CDH13: variants seen among roughly 807,000 people sequenced by gnomAD.
CDH13 encodes the protein cadherin 13.
A neutral mutation model predicts 63.8 loss-of-function variants in CDH13; 24 were observed. The observed-to-expected ratio is 0.38, with a 90% CI of 0.27 to 0.53. The LOEUF (loss-of-function observed/expected upper bound fraction) is 0.53. Ranked by LOEUF, CDH13 falls within the 20% of genes least tolerant of loss-of-function variation. CDH13 has a pLI of 0.85. For synonymous variants in CDH13, 503 were observed against 355.3 expected, an observed-to-expected ratio of 1.42 and a Z score of -4.67; for missense variants, 1,049 against 903.1, an observed-to-expected ratio of 1.16 and a Z score of -2.07.
At chr16:83,506,070 G>C (rs566048969) in intron 7 of CDH13, among the ~76,000 whole-genome samples, 2 of 152,332 alleles carry the variant, frequency 1.3e-5, no homozygotes, top group South Asian at 2.1e-4. Context: ...CAAAGAGGCT[G>C]TCAGAATGGT....
intron 3 of CDH13, among the ~76,000 whole-genome samples, chr16:83,091,767 C>A (rs753980090): frequency 2.6e-5 from 4 of 152,084 alleles, no homozygotes; most frequent in African/African-American, 9.7e-5. Flanking sequence ...ATACTATATC[C>A]CCAGCATCTA....
rs117024090 is a variant in CDH13 at position 83,280,774 on chromosome 16, A to T, written c.636+63277A>T. 1.9e-4 allele frequency among the ~76,000 whole-genome samples: 29 copies of T among 152,358 alleles called. No homozygotes were observed. In the East Asian group the frequency reaches 5.0e-3, roughly 26 times the overall value. ...CCTTGATCCATGAGTTGAAAAATAGATGTTGTGTTACCATACACAAAAACA... is the reference window on the plus strand; with the variant it reads ...CCTTGATCCATGAGTTGAAAAATAGTTGTTGTGTTACCATACACAAAAACA... On this transcript the variant is annotated intron_variant, in intron 5 of 13. Coordinates refer to ENST00000567109, the MANE Select transcript of CDH13 (RefSeq NM_001257.5).
At chr16:83,333,935 C>G (rs1485858136) in intron 5 of CDH13, among the ~76,000 whole-genome samples, 1 of 152,162 alleles carries the variant, frequency 6.6e-6, no homozygotes, top group Non-Finnish European at 1.5e-5. Flanking sequence ...CAAAACAACA[C>G]AAATCTTATC....
At chr16:82,817,975 A>G (rs893032062) in intron 1 of CDH13, among the ~76,000 whole-genome samples, 12 of 152,180 alleles carry the variant, frequency 7.9e-5, no homozygotes, top group Non-Finnish European at 1.8e-4. Context: ...GTATACACAC[A>G]TACATTTTTA....
intron 3 of CDH13, among the ~76,000 whole-genome samples, chr16:83,085,604 G>C (rs2033542556): frequency 6.6e-6 from 1 of 152,198 alleles, no homozygotes; most frequent in Non-Finnish European, 1.5e-5. Flanking sequence ...ACACAGCTAT[G>C]CTTAGCTGCA....
chr16:83,227,464 G>C (rs899639271), intron 5 of CDH13, among the ~76,000 whole-genome samples: 6 of 152,164 alleles, frequency 3.9e-5, no homozygotes, highest in African/African-American at 1.4e-4. Context: ...TGTGGAGCAG[G>C]TTGGAAGCTG....
At chr16:82,664,432 G>A (rs1912346334) in intron 1 of CDH13, among the ~76,000 whole-genome samples, 1 of 152,244 alleles carries the variant, frequency 6.6e-6, no homozygotes, top group African/African-American at 2.4e-5. Flanking sequence ...TCTGAACACA[G>A]CAGTGGGGGC....
At chr16:83,657,803 G>C (rs1419592847) in intron 8 of CDH13, among the ~76,000 whole-genome samples, 1 of 152,140 alleles carries the variant, frequency 6.6e-6, no homozygotes, top group Admixed American at 6.5e-5. Context: ...GCATCCTTCA[G>C]CACTGCCAGC....
At chr16:83,326,424 G>A (rs549719074) in intron 5 of CDH13, among the ~76,000 whole-genome samples, 20 of 141,698 alleles carry the variant, frequency 1.4e-4, no homozygotes, top group African/African-American at 5.3e-4. Context: ...CACACTTGGT[G>A]CTTTTTTTTT....
At chr16:83,041,744 C>T (rs1917348109) in intron 3 of CDH13, among the ~76,000 whole-genome samples, 2 of 152,168 alleles carry the variant, frequency 1.3e-5, no homozygotes, top group South Asian at 4.1e-4. Flanking sequence ...CATTTTTCAG[C>T]CACATGATAC....
Position 83,443,527 on chromosome 16 carries a change from A to G in CDH13, c.782-42950A>G, listed in dbSNP as rs1346384413. Among the ~76,000 whole-genome samples the G allele has an allele frequency of 2.6e-5, 4 of 152,124 alleles. No individual in the cohort carries two copies. In the South Asian group the frequency reaches 6.2e-4, roughly 24 times the overall value. On this transcript the variant is annotated intron_variant, in intron 6 of 13. Coordinates refer to ENST00000567109, the MANE Select transcript of CDH13 (RefSeq NM_001257.5). Reference sequence around the variant, plus strand: ...TTTCTGAAGTACTAAAAGCAGAATCAGGAATTCAAGATTATCATGTTGAGT... The same window carrying G: ...TTTCTGAAGTACTAAAAGCAGAATCGGGAATTCAAGATTATCATGTTGAGT...
chr16:83,497,181 A>T, intron 7 of CDH13, among the ~76,000 whole-genome samples: 1 of 152,146 alleles, frequency 6.6e-6, no homozygotes. Flanking sequence ...AAAGGACTAT[A>T]AATCATGCTG....
At chr16:82,818,178 T>C (rs1169148995) in intron 1 of CDH13, among the ~76,000 whole-genome samples, 1 of 151,890 alleles carries the variant, frequency 6.6e-6, no homozygotes, top group East Asian at 1.9e-4. Context: ...TTACATGTAG[T>C]TTCCCTTCTT....
chr16:82,800,651 A>T (rs1459455462), intron 1 of CDH13, among the ~76,000 whole-genome samples: 1 of 152,228 alleles, frequency 6.6e-6, no homozygotes, highest in Non-Finnish European at 1.5e-5. Context: ...GATTTGGAGC[A>T]TATTTACATA....
At chr16:82,645,131 A>C (rs1007771840) in intron 1 of CDH13, among the ~76,000 whole-genome samples, 2 of 152,140 alleles carry the variant, frequency 1.3e-5, no homozygotes, top group African/African-American at 2.4e-5. Context: ...TCTGAAAACA[A>C]GCTCCTAGGA....
intron 5 of CDH13, among the ~76,000 whole-genome samples, chr16:83,307,509 T>G (rs2089907253): frequency 6.6e-6 from 1 of 152,164 alleles, no homozygotes; most frequent in Non-Finnish European, 1.5e-5. Context: ...ACCTCACATT[T>G]TAAGGCAATT....
rs534235012 is a variant in CDH13 at position 83,317,578 on chromosome 16, A to T, written c.637-27284A>T. Among the ~76,000 whole-genome samples, 5 of 152,254 alleles carry T rather than the reference A, an allele frequency of 3.3e-5. No individual in the cohort carries two copies. In the South Asian group the frequency reaches 1.0e-3, roughly 32 times the overall value. On this transcript the variant is annotated intron_variant, in intron 5 of 13. Coordinates refer to ENST00000567109, the MANE Select transcript of CDH13 (RefSeq NM_001257.5). ...TACTTTGGGAGGCCAAGGCAGGTGG[A>T]TCACCTGAGGTCAGGAGTTTGAGAC... is the stretch of plus-strand genomic sequence containing the variant.
Position 83,130,729 on chromosome 16 carries a change from AC to A in CDH13, c.483+5229del, listed in dbSNP as rs1415680167. Among the ~76,000 whole-genome samples the A allele has an allele frequency of 2.6e-5, 4 of 152,364 alleles. No individual in the cohort carries two copies. The East Asian group carries it at 7.7e-4, about 29-fold the overall frequency. ...AAGACACAGGAGTTAGCATGCTGGCACAAAAACGCCTTTTAAATCATTTGTC... is the reference window on the plus strand; with the variant it reads ...AAGACACAGGAGTTAGCATGCTGGCAAAAAACGCCTTTTAAATCATTTGTC... On this transcript the variant is annotated intron_variant, in intron 4 of 13. Transcript: ENST00000567109.
At chr16:83,148,949 T>C (rs1194842557) in intron 4 of CDH13, among the ~76,000 whole-genome samples, 1 of 152,180 alleles carries the variant, frequency 6.6e-6, no homozygotes, top group Non-Finnish European at 1.5e-5. Context: ...TAAATTAAGG[T>C]AATTGAAAAC....
Sources: allele counts gnomAD v4.1 joint callset (sites outside exome capture counted in the v4.1 genomes callset), GRCh38; gene constraint gnomAD v4.1.1; transcripts MANE v1.5; gene names NCBI Gene and HGNC (gene_info 2026-07-23, HGNC 2026-07-21).